ZFHX4: variants seen among roughly 807,000 people sequenced by gnomAD.
ZFHX4 encodes zinc finger homeobox protein 4.
Under a neutral mutation model 267.6 loss-of-function variants are expected in ZFHX4, and 56 were observed. The observed-to-expected ratio is 0.21, with a 90% CI of 0.17 to 0.26. The LOEUF is 0.26. Ranked by LOEUF, ZFHX4 falls within the 10% of genes least tolerant of loss-of-function variation. The pLI is 1.00. For synonymous variants in ZFHX4, 1,778 were observed against 1,665.6 expected, an observed-to-expected ratio of 1.07 and a Z score of -1.64; for missense variants, 4,332 against 4,420.0, an observed-to-expected ratio of 0.98 and a Z score of 0.56.
At chr8:76,755,677 G>C (rs1032540947) in intron 3 of ZFHX4, among the ~76,000 whole-genome samples, 1 of 152,122 alleles carries the variant, frequency 6.6e-6, no homozygotes, top group Non-Finnish European at 1.5e-5. Context: ...CTCGATGAAA[G>C]CTTGTCAAAA....
At chr8:76,724,204 G>C (rs1808796444) in intron 3 of ZFHX4, among the ~76,000 whole-genome samples, 1 of 151,938 alleles carries the variant, frequency 6.6e-6, no homozygotes, top group Non-Finnish European at 1.5e-5. Context: ...TCAAATTGGG[G>C]GACCACTGGA....
rs764242429 is a variant in ZFHX4, at chr8:76,706,127, G to A, written c.2039G>A (p.Gly680Glu). 9 of 1,613,802 alleles carry A rather than the reference G, an allele frequency of 5.6e-6. No homozygotes were observed. The highest frequency in any genetic ancestry group is 7.6e-6 in the Non-Finnish European group (9 of 1,179,896). Reference sequence around the variant, plus strand: ...GGCTCTTGTGTTTATTGTAAGACTGGACAGCCTCACCCCAGGCTTGCCCGG... The same window carrying A: ...GGCTCTTGTGTTTATTGTAAGACTGAACAGCCTCACCCCAGGCTTGCCCGG... ...PGGSCVYCKT[G>E]QPHPRLARGE... Residue 680 changes from glycine (G) to glutamate (E), a missense_variant, in exon 2 of 11, where the codon GGA becomes GAA. Coordinates refer to ENST00000651372, the MANE Select transcript of ZFHX4 (RefSeq NM_024721.5).
chr8:76,768,457 A>G (rs544942143), intron 3 of ZFHX4, among the ~76,000 whole-genome samples: 7 of 152,326 alleles, frequency 4.6e-5, no homozygotes, highest in Middle Eastern at 6.8e-3. Flanking sequence ...TCCAGGAAGA[A>G]GTAAATAGGA....
Position 76,851,968 on chromosome 8 carries a change from C to A in ZFHX4, c.5047C>A (p.Pro1683Thr). Reference sequence around the variant, plus strand: ...AACTCCTGATTTAATCTCTGCTCAACCTGCACATCACCCACCACAGTCACC... The same window carrying A: ...AACTCCTGATTTAATCTCTGCTCAAACTGCACATCACCCACCACAGTCACC... ...KQTPDLISAQ[P>T]AHHPPQSPAQ... Residue 1683 changes from proline to threonine, a missense_variant, in exon 10 of 11, where the codon CCT becomes ACT. By Grantham distance (38) the Pro-to-Thr change is conservative. This residue lies in a region of ZFHX4 where 1,371 missense variants were observed against 1,423.1 expected (regional missense o/e 0.96). Transcript: ENST00000651372. The A allele has an allele frequency of 6.2e-7, 1 of 1,613,968 alleles. No homozygotes were observed. Among genetic ancestry groups the A allele is most frequent in the African/African-American group, 1.3e-5 (1 of 75,050 alleles).
chr8:76,770,223 T>C (rs1810227094), intron 3 of ZFHX4, among the ~76,000 whole-genome samples: 1 of 152,200 alleles, frequency 6.6e-6, no homozygotes, highest in Non-Finnish European at 1.5e-5. Flanking sequence ...AAATTCAGTA[T>C]GTCTAAAGCA....
At chr8:76,791,131 A>G (rs1810825124) in intron 4 of ZFHX4, among the ~76,000 whole-genome samples, 2 of 152,190 alleles carry the variant, frequency 1.3e-5, no homozygotes, top group African/African-American at 4.8e-5. Context: ...AAGATTCTCC[A>G]CCTTCACTTT....
chr8:76,859,620 C>G (rs995178164), intron 10 of ZFHX4, among the ~76,000 whole-genome samples: 9 of 152,122 alleles, frequency 5.9e-5, no homozygotes, highest in Non-Finnish European at 1.2e-4. Flanking sequence ...TTTGGAAATA[C>G]TGCCTAAGCT....
chr8:76,758,177 G>C (rs1372702742), intron 3 of ZFHX4, among the ~76,000 whole-genome samples: 1 of 152,082 alleles, frequency 6.6e-6, no homozygotes, highest in Non-Finnish European at 1.5e-5. Context: ...GCACAATATG[G>C]TAAGTGGAGA....
At chr8:76,730,307 C>G (rs556288421) in intron 3 of ZFHX4, among the ~76,000 whole-genome samples, 1 of 152,162 alleles carries the variant, frequency 6.6e-6, no homozygotes, top group Admixed American at 6.6e-5. Context: ...GTTTTAAACT[C>G]TGAAGAAAAT....
intron 6 of ZFHX4, among the ~76,000 whole-genome samples, chr8:76,847,031 G>T (rs1260675041): frequency 1.3e-5 from 2 of 152,114 alleles, no homozygotes; most frequent in Non-Finnish European, 2.9e-5. Flanking sequence ...ACTTATTAGT[G>T]GGGGAACATT....
chr8:76,739,252 T>C (rs1362647645), intron 3 of ZFHX4, among the ~76,000 whole-genome samples: 1 of 152,194 alleles, frequency 6.6e-6, no homozygotes, highest in Non-Finnish European at 1.5e-5. Flanking sequence ...AAAGTCCATG[T>C]TCAATTTCAA....
intron 3 of ZFHX4, among the ~76,000 whole-genome samples, chr8:76,741,628 G>A (rs1412469313): frequency 6.6e-6 from 1 of 152,158 alleles, no homozygotes; most frequent in Non-Finnish European, 1.5e-5. Flanking sequence ...TATTTGGCGG[G>A]AAGAACAAAG....
At position 76,850,286 on chromosome 8, in the gene ZFHX4, G is replaced by A. The variant is rs1464665297; in HGVS notation, c.3888G>A (p.Leu1296=). ...PDVMMPNSML[L]PAAASEKSER... is the part of the protein sequence containing the mutation. ...TGATGATGCCAAACAGTATGCTACTGCCAGCAGCTGCCTCTGAGAAATCAG... is the reference window on the plus strand; with the variant it reads ...TGATGATGCCAAACAGTATGCTACTACCAGCAGCTGCCTCTGAGAAATCAG... The change falls in exon 9 of 11, where the codon CTG becomes CTA. Residue 1296 remains leucine, a synonymous_variant. Transcript: ENST00000651372. 4 of 1,613,258 alleles carry A rather than the reference G, an allele frequency of 2.5e-6. No homozygotes were observed. The highest frequency in any genetic ancestry group is 1.7e-5 in the Admixed American group (1 of 59,940).
At chr8:76,696,398 G>A (rs1807957588) in intron 1 of ZFHX4, among the ~76,000 whole-genome samples, 1 of 151,992 alleles carries the variant, frequency 6.6e-6, no homozygotes, top group Admixed American at 6.6e-5. Flanking sequence ...AAAGTAATCA[G>A]GTTACCAGCA....
rs565557668 is a variant in ZFHX4, at chr8:76,733,912, C to G, written c.3093+25864C>G. Reference sequence around the variant, plus strand: ...TCAGTAAAGGTTTGATAATAGATGTCATCATTGAATGTCCTCATGCATGCC... The same window carrying G: ...TCAGTAAAGGTTTGATAATAGATGTGATCATTGAATGTCCTCATGCATGCC... On this transcript the variant is annotated intron_variant, in intron 3 of 10. Coordinates refer to ENST00000651372, the MANE Select transcript of ZFHX4 (RefSeq NM_024721.5). Among the ~76,000 whole-genome samples the G allele has an allele frequency of 7.2e-5, 11 of 152,156 alleles. 1 individual carries two copies. The highest frequency in any genetic ancestry group is 1.5e-4 in the Non-Finnish European group (10 of 68,032).
intron 1 of ZFHX4, among the ~76,000 whole-genome samples, chr8:76,694,937 T>C (rs1437252942): frequency 6.6e-6 from 1 of 151,854 alleles, no homozygotes; most frequent in Non-Finnish European, 1.5e-5. Context: ...TCAGCTCATT[T>C]GTCATGGCTG....
chr8:76,722,688 C>G (rs954173769), intron 3 of ZFHX4, among the ~76,000 whole-genome samples: 6 of 150,676 alleles, frequency 4.0e-5, no homozygotes, highest in Admixed American at 4.0e-4. Flanking sequence ...TTCTGTAGAT[C>G]TTAATTGAGG....
chr8:76,721,971 A>G (rs983254261), intron 3 of ZFHX4, among the ~76,000 whole-genome samples: 3 of 152,148 alleles, frequency 2.0e-5, no homozygotes, highest in African/African-American at 4.8e-5. Flanking sequence ...TGAGTATAAA[A>G]GTATGAATAT....
Position 76,833,420 on chromosome 8 carries a change from C to T in ZFHX4, c.3394+14C>T. The stretch of plus-strand genomic sequence containing the variant: ...GATCGACCTCAGGTAATGGTTCCTA[C>T]TCCTTCTCAAAATATTTCCTTGTCC... On this transcript the variant is annotated intron_variant, in intron 5 of 10. Transcript: ENST00000651372. 1 of 1,587,520 alleles carries T rather than the reference C, an allele frequency of 6.3e-7. No homozygotes were observed. The highest frequency in any genetic ancestry group is 1.7e-5 in the Admixed American group (1 of 57,296).
Sources: gnomAD v4.1 joint callset for allele counts (sites outside exome capture counted in the v4.1 genomes callset) on GRCh38, gnomAD v4.1.1 for gene constraint, gnomAD v4.1.1 regional missense constraint, MANE v1.5 for transcripts, NCBI Gene and HGNC (gene_info 2026-07-23, HGNC 2026-07-21) for gene names.